AIMP1: variants seen among roughly 807,000 people sequenced by gnomAD.
The protein encoded by AIMP1 is aminoacyl tRNA synthetase complex interacting multifunctional protein 1, also known as aminoacyl tRNA synthase complex-interacting multifunctional protein 1.
Under a neutral mutation model 33.1 loss-of-function variants are expected in AIMP1, and 24 were observed. The ratio of observed to expected loss-of-function variants is 0.73; its 90% confidence interval spans 0.53 to 1.02. The LOEUF (loss-of-function observed/expected upper bound fraction) is 1.02. Ranked by LOEUF, AIMP1 falls within the 50% of genes least tolerant of loss-of-function variation. The pLI is 0.00. For missense variants in AIMP1, 367 were observed against 364.8 expected (o/e 1.01, Z -0.05); for synonymous variants, 120 against 121.5 (o/e 0.99, Z 0.08).
At position 106,316,583 on chromosome 4, in the gene AIMP1, C is replaced by T. The variant is rs549111313; in HGVS notation, c.-37C>T. 1.2e-5 allele frequency: 18 copies of T among 1,551,502 alleles called. No individual in the cohort carries two copies. In the African/African-American group the frequency reaches 2.2e-4, roughly 19 times the overall value. ...CTGTGGCTGTCTCGGAACCCGTGGT[C>T]CTCCGCTTCATGTGAGTGACGTCGT... On this transcript the variant is annotated 5_prime_UTR_variant, in exon 1 of 7. Coordinates refer to ENST00000672341, the MANE Select transcript of AIMP1 (RefSeq NM_001142416.2).
chr4:106,330,883 GA>G (rs1769649877), intron 4 of AIMP1, among the ~76,000 whole-genome samples: 1 of 152,108 alleles, frequency 6.6e-6, no homozygotes, highest in African/African-American at 2.4e-5. Context: ...TAAAGAATAT[GA>G]ATCCTCTTTG....
In AIMP1 at chr4:106,321,238, G is replaced by C. The variant is rs552230643; in HGVS notation, c.-25-3747G>C. 1,449 of 157,786 alleles carry C rather than the reference G, an allele frequency of 9.2e-3. 21 individuals are homozygous for C. Among genetic ancestry groups the C allele is most frequent in the African/African-American group, 0.034 (1,382 of 40,852 alleles). 9.8% of individuals were successfully genotyped at this position (157,786 alleles called of 1,614,324 possible). A position where few individuals can be genotyped will look rare whatever the true frequency, so the allele number is the denominator to read the frequency against. On this transcript the variant is annotated intron_variant, in intron 1 of 6. Transcript: ENST00000672341. Reference sequence around the variant, plus strand: ...GGGGATGTGAGGAGCCCCTCTGCCCGGCCGCCCAGTCTGGGAAGTGAGGAG... The same window carrying C: ...GGGGATGTGAGGAGCCCCTCTGCCCCGCCGCCCAGTCTGGGAAGTGAGGAG...
chr4:106,316,672 T>C, intron 1 of AIMP1, 78 bp downstream of exon 1: 2 of 1,442,940 alleles, frequency 1.4e-6, no homozygotes, highest in Non-Finnish European at 1.9e-6. Flanking sequence ...CTAACTTGCC[T>C]CCAGGAGAGA....
In AIMP1 at chr4:106,342,497, A is replaced by G. The variant is rs147822319; in HGVS notation, c.773-5029A>G. Among the ~76,000 whole-genome samples, 518 of 152,170 alleles carry G rather than the reference A, an allele frequency of 3.4e-3. 6 individuals carry two copies. Among genetic ancestry groups the G allele is most frequent in the African/African-American group, 0.012 (503 of 41,536 alleles). Reference sequence around the variant, plus strand: ...CTATTGAGGGTTTTATCATAAAGGGAGGTAGATTTTATTTAAAGCTTTTTC... The same window carrying G: ...CTATTGAGGGTTTTATCATAAAGGGGGGTAGATTTTATTTAAAGCTTTTTC... On this transcript the variant is annotated intron_variant, in intron 6 of 6. Transcript: ENST00000672341.
intron 1 of AIMP1, among the ~76,000 whole-genome samples, chr4:106,320,899 G>A (rs1001844337): frequency 7.2e-5 from 11 of 152,034 alleles, no homozygotes; most frequent in East Asian, 1.9e-4. Flanking sequence ...GGTGCGCGCC[G>A]CCACTCCTGA....
Position 106,316,553 on chromosome 4 carries a change from T to C in AIMP1, c.-67T>C, listed in dbSNP as rs763715597. 1.1e-5 allele frequency: 17 copies of C among 1,551,462 alleles called. 1 individual carries two copies. Among genetic ancestry groups the C allele is most frequent in the Non-Finnish European group, 3.5e-6 (4 of 1,146,956 alleles). ...ACGCGGGTGGCTGGACCTACATGCT[T>C]CCTGCTGTGGCTGTCTCGGAACCCG... On this transcript the variant is annotated 5_prime_UTR_variant, in exon 1 of 7. Coordinates refer to ENST00000672341, the MANE Select transcript of AIMP1 (RefSeq NM_001142416.2).
At chr4:106,343,802 TA>T (rs1471170201) in intron 6 of AIMP1, among the ~76,000 whole-genome samples, 1 of 152,208 alleles carries the variant, frequency 6.6e-6, no homozygotes, top group Non-Finnish European at 1.5e-5. Flanking sequence ...GATCAAATAA[TA>T]AGTAGGAATT....
chr4:106,329,041 A>AC (rs1164622977), intron 4 of AIMP1, among the ~76,000 whole-genome samples: 3 of 138,870 alleles, frequency 2.2e-5, no homozygotes, highest in Admixed American at 7.1e-5. Context: ...AAACTTATTT[A>AC]CTTTTTTTTT....
At chr4:106,341,985 T>C (rs1372668644) in intron 6 of AIMP1, among the ~76,000 whole-genome samples, 1 of 151,154 alleles carries the variant, frequency 6.6e-6, no homozygotes, top group Admixed American at 6.6e-5. Context: ...TATTTTATAG[T>C]TCTCCTTGTA....
chr4:106,336,840 C>T (rs1247387341), intron 5 of AIMP1, 29 bp from the exon 6 acceptor site: 4 of 1,604,208 alleles, frequency 2.5e-6, no homozygotes, highest in Non-Finnish European at 3.4e-6. Context: ...CTGTGTACAT[C>T]TTTACTTACC....
chr4:106,327,327 A>T, intron 2 of AIMP1, 124 bp from the exon 3 acceptor site: 1 of 675,012 alleles, frequency 1.5e-6, no homozygotes, highest in Admixed American at 2.5e-5. Flanking sequence ...CACTGGCCAA[A>T]CATTTGGTTA....
intron 1 of AIMP1, among the ~76,000 whole-genome samples, chr4:106,321,037 C>T (rs892964440): frequency 6.6e-6 from 1 of 152,206 alleles, no homozygotes; most frequent in Admixed American, 6.5e-5. Context: ...CGGAGTCTCG[C>T]TCACTCAGTG....
chr4:106,327,752 T>C (rs558397591), intron 3 of AIMP1, among the ~76,000 whole-genome samples, 188 bp downstream of exon 3: 1 of 152,312 alleles, frequency 6.6e-6, no homozygotes, highest in East Asian at 1.9e-4. Flanking sequence ...GAGAATTACA[T>C]GAGTTAATTT....
At chr4:106,334,372 C>G (rs1322210978) in intron 5 of AIMP1, among the ~76,000 whole-genome samples, 1 of 150,692 alleles carries the variant, frequency 6.6e-6, no homozygotes, top group Non-Finnish European at 1.5e-5. Flanking sequence ...TCAAGCAATT[C>G]TCCTGCCTCA....
intron 1 of AIMP1, among the ~76,000 whole-genome samples, chr4:106,322,378 A>G (rs1769297809): frequency 6.6e-6 from 1 of 152,224 alleles, no homozygotes; most frequent in Admixed American, 6.5e-5. Flanking sequence ...CCAAGGGTAT[A>G]TATACCCATG....
intron 6 of AIMP1, among the ~76,000 whole-genome samples, chr4:106,343,436 A>C (rs1304197771): frequency 1.3e-5 from 2 of 152,228 alleles, no homozygotes; most frequent in African/African-American, 4.8e-5. Flanking sequence ...GGATGAAAGC[A>C]TGGAATAATT....
Position 106,346,465 on chromosome 4 carries a change from A to T in AIMP1, c.773-1061A>T, listed in dbSNP as rs115614801. 1.8e-3 allele frequency among the ~76,000 whole-genome samples: 279 copies of T among 152,276 alleles called. 1 individual carries two copies. Among genetic ancestry groups the T allele is most frequent in the African/African-American group, 5.4e-3 (226 of 41,572 alleles). ...GTTTTCTCAGCCTCAGTTTCTTTAT[A>T]CTTAAAATTAGAGTCAGAGTTATGT... On this transcript the variant is annotated intron_variant, in intron 6 of 6. Transcript: ENST00000672341.
Position 106,347,887 on chromosome 4 carries a change from T to G in AIMP1, c.*195T>G. ...GATTTTTACCTCGGTTTTTGATCAT[T>G]TATAATGGAGAGAGGAAGTTGCCTA... On this transcript the variant is annotated 3_prime_UTR_variant, in exon 7 of 7. Coordinates refer to ENST00000672341, the MANE Select transcript of AIMP1 (RefSeq NM_001142416.2). 1.9e-6 allele frequency: 1 copy of G among 522,434 alleles called. No homozygotes were observed. Among genetic ancestry groups the G allele is most frequent in the South Asian group, 2.7e-5 (1 of 36,736 alleles). 32.4% of individuals were successfully genotyped at this position (522,434 alleles called of 1,614,324 possible). A position where few individuals can be genotyped will look rare whatever the true frequency, so the allele number is the denominator to read the frequency against.
chr4:106,343,740 A>G (rs1405373864), intron 6 of AIMP1, among the ~76,000 whole-genome samples: 3 of 152,228 alleles, frequency 2.0e-5, no homozygotes, highest in Admixed American at 2.0e-4. Context: ...AAACAGTACT[A>G]CAGCTAGGAA....
Sources: allele counts gnomAD v4.1 joint callset (sites outside exome capture counted in the v4.1 genomes callset), GRCh38; gene constraint gnomAD v4.1.1; transcripts MANE v1.5; gene names NCBI Gene and HGNC (gene_info 2026-07-23, HGNC 2026-07-21).